Variants in ITPR2 observed in about 807,000 individuals in gnomAD.
ITPR2 encodes the protein inositol 1,4,5-trisphosphate receptor type 2.
ITPR2 carries 207 observed loss-of-function variants against 317.1 expected under a neutral mutation model. The observed-to-expected ratio is 0.65, with a 90% CI of 0.58 to 0.73. The LOEUF is 0.73. Among genes scored for constraint, ITPR2 ranks in the 30% least tolerant of loss-of-function variants. ITPR2 has a pLI of 0.00. For missense variants in ITPR2, 2,613 were observed against 3,284.0 expected, an observed-to-expected ratio of 0.80 and a Z score of 4.99; for synonymous variants, 1,156 against 1,149.1, an observed-to-expected ratio of 1.01 and a Z score of -0.12.
Position 26,655,864 on chromosome 12 carries a change from G to A in ITPR2, c.2445-12C>T, listed in dbSNP as rs369344137. On this transcript the variant is annotated splice_polypyrimidine_tract_variant and intron_variant, in intron 19 of 56. Coordinates refer to ENST00000381340, the MANE Select transcript of ITPR2 (RefSeq NM_002223.4). ...TTATAGAATCATATCTGGAAATAGA[G>A]AAAGAAGATAACGCAAGTTAAACTG... 3.9e-5 allele frequency: 62 copies of A among 1,600,658 alleles called. No individual in the cohort carries two copies. The highest frequency in any genetic ancestry group is 1.7e-4 in the Middle Eastern group (1 of 6,024).
intron 45 of ITPR2, among the ~76,000 whole-genome samples, chr12:26,463,012 T>A (rs1942076919): frequency 6.6e-6 from 1 of 152,088 alleles, no homozygotes; most frequent in South Asian, 2.1e-4. Flanking sequence ...GCAGGAAAAA[T>A]AAGTTAATCA....
At chr12:26,460,382 A>C (rs1941988071) in intron 45 of ITPR2, among the ~76,000 whole-genome samples, 1 of 152,332 alleles carries the variant, frequency 6.6e-6, no homozygotes, top group Middle Eastern at 3.4e-3. Flanking sequence ...GTTTTGGTGC[A>C]AGCTATTTTT....
At chr12:26,402,232 G>A (rs1391790678) in intron 52 of ITPR2, among the ~76,000 whole-genome samples, 2 of 152,158 alleles carry the variant, frequency 1.3e-5, no homozygotes, top group African/African-American at 4.8e-5. Context: ...GAGAGCAAAA[G>A]GGGCTTTTAA....
At chr12:26,341,875 C>G (rs555513578) in intron 55 of ITPR2, among the ~76,000 whole-genome samples, 13 of 152,328 alleles carry the variant, frequency 8.5e-5, no homozygotes, top group Non-Finnish European at 2.9e-5. Context: ...CCCACCCCAC[C>G]ACCTCTTACC....
intron 4 of ITPR2, among the ~76,000 whole-genome samples, chr12:26,724,391 C>A (rs1199700806): frequency 6.6e-6 from 1 of 152,168 alleles, no homozygotes; most frequent in African/African-American, 2.4e-5. Context: ...AAATTGTTTC[C>A]TGACCCTCTT....
chr12:26,374,093 T>C (rs1233438536), intron 55 of ITPR2, among the ~76,000 whole-genome samples: 1 of 152,230 alleles, frequency 6.6e-6, no homozygotes, highest in African/African-American at 2.4e-5. Context: ...ACCACACCTC[T>C]TTGTGGTAAG....
At chr12:26,773,724 G>A (rs374376272) in intron 2 of ITPR2, among the ~76,000 whole-genome samples, 3 of 152,142 alleles carry the variant, frequency 2.0e-5, no homozygotes, top group African/African-American at 7.2e-5. Context: ...CAATACAGAG[G>A]CTCAAGTATT....
intron 54 of ITPR2, among the ~76,000 whole-genome samples, chr12:26,394,079 C>G (rs1394662139): frequency 1.3e-5 from 2 of 152,186 alleles, no homozygotes; most frequent in Non-Finnish European, 2.9e-5. Context: ...GGCAGACCCT[C>G]AGTTAAGCCT....
chr12:26,595,389 A>G, intron 32 of ITPR2, 76 bp downstream of exon 32: 1 of 1,402,274 alleles, frequency 7.1e-7, no homozygotes, highest in Admixed American at 2.4e-5. Context: ...TTTAACTGCA[A>G]GTTTTCATCC....
At chr12:26,621,389 TAGAA>T (rs760678690) in intron 25 of ITPR2, 93 bp from the exon 26 acceptor site, 26 of 896,602 alleles carry the variant, frequency 2.9e-5, no homozygotes, top group African/African-American at 5.1e-5. Context: ...AAAACCTACC[TAGAA>T]GTAAGTGTGA....
chr12:26,781,814 G>A (rs1384125566), intron 2 of ITPR2, among the ~76,000 whole-genome samples: 2 of 151,752 alleles, frequency 1.3e-5, no homozygotes, highest in Non-Finnish European at 2.9e-5. Context: ...TGCCAGCACG[G>A]CCAGAATATA....
rs1473014489 is a variant in ITPR2 at position 26,485,530 on chromosome 12, GA to G, written c.5811+573del. Among the ~76,000 whole-genome samples the G allele has an allele frequency of 2.6e-5, 4 of 152,300 alleles. No homozygotes were observed. In the East Asian group the frequency reaches 7.7e-4, roughly 29 times the overall value. On this transcript the variant is annotated intron_variant, in intron 41 of 56. Coordinates refer to ENST00000381340, the MANE Select transcript of ITPR2 (RefSeq NM_002223.4). ...AATGCAAAAAAGAGGCCAAAATTCA[GA>G]AATTCATAGGCAATCCTAAGTTCAT...
intron 26 of ITPR2, among the ~76,000 whole-genome samples, chr12:26,618,598 T>C (rs780079531): frequency 6.6e-6 from 1 of 152,200 alleles, no homozygotes; most frequent in Non-Finnish European, 1.5e-5. Context: ...GGAAAACAAC[T>C]GGCATTGTCT....
At chr12:26,663,126 A>G (rs1331748612) in intron 15 of ITPR2, among the ~76,000 whole-genome samples, 2 of 152,166 alleles carry the variant, frequency 1.3e-5, no homozygotes, top group South Asian at 2.1e-4. Flanking sequence ...TTCTCACTTC[A>G]TAGATCTCTC....
intron 37 of ITPR2, among the ~76,000 whole-genome samples, chr12:26,543,314 TA>T (rs1381030707): frequency 6.6e-6 from 1 of 152,080 alleles, no homozygotes; most frequent in Non-Finnish European, 1.5e-5. Flanking sequence ...AGTACTTTAA[TA>T]AAGCTATTCT....
intron 1 of ITPR2, among the ~76,000 whole-genome samples, chr12:26,815,819 C>T (rs1592156215): frequency 6.6e-6 from 1 of 152,062 alleles, no homozygotes; most frequent in Non-Finnish European, 1.5e-5. Context: ...CTGTGGCCGG[C>T]GCGGTGGCTT....
chr12:26,669,726 G>A (rs547700373), intron 13 of ITPR2, among the ~76,000 whole-genome samples: 61 of 152,366 alleles, frequency 4.0e-4, no homozygotes, highest in East Asian at 1.3e-3. Flanking sequence ...CACCATGCGC[G>A]AGCCGAAGCA....
chr12:26,783,611 CA>C (rs1224557089), intron 2 of ITPR2, among the ~76,000 whole-genome samples: 1 of 151,854 alleles, frequency 6.6e-6, no homozygotes, highest in Non-Finnish European at 1.5e-5. Context: ...CAGGAAAAAG[CA>C]AAAGAATATA....
At chr12:26,769,931 AT>A (rs1166669956) in intron 2 of ITPR2, among the ~76,000 whole-genome samples, 1 of 152,194 alleles carries the variant, frequency 6.6e-6, no homozygotes, top group Non-Finnish European at 1.5e-5. Context: ...AAAAGAATGC[AT>A]TTTCCAAGGG....
Sources: gnomAD v4.1 joint callset for allele counts (sites outside exome capture counted in the v4.1 genomes callset) on GRCh38, gnomAD v4.1.1 for gene constraint, MANE v1.5 for transcripts, NCBI Gene and HGNC (gene_info 2026-07-23, HGNC 2026-07-21) for gene names.